The following PALM2AKAP2 variants were observed in gnomAD, a reference collection of about 807,000 sequenced individuals.
PALM2AKAP2 encodes the protein PALM2-AKAP2 fusion protein.
In PALM2AKAP2, 37 loss-of-function variants were observed where a neutral mutation model predicts 71.5. The observed-to-expected ratio is 0.52, with a 90% CI of 0.40 to 0.68. PALM2AKAP2 has a LOEUF of 0.68. PALM2AKAP2 is among the 30% of genes least tolerant of loss of function. PALM2AKAP2 has a pLI of 0.00. For synonymous variants in PALM2AKAP2, 468 were observed against 478.8 expected (o/e 0.98, Z 0.29); for missense variants, 1,224 against 1,191.8 (o/e 1.03, Z -0.40).
chr9:109,749,167 CT>C (rs1828848590), intron 1 of PALM2AKAP2, among the ~76,000 whole-genome samples: 1 of 152,252 alleles, frequency 6.6e-6, no homozygotes, highest in Non-Finnish European at 1.5e-5. Flanking sequence ...GTATTTCTGT[CT>C]TTAGTCCCTT....
chr9:110,050,238 C>G (rs1272619146), intron 1 of PALM2AKAP2, among the ~76,000 whole-genome samples: 1 of 152,202 alleles, frequency 6.6e-6, no homozygotes, highest in African/African-American at 2.4e-5. Context: ...TCCCGGGAAG[C>G]GCTCTTCTAT....
At chr9:109,809,761 TA>T (rs1294375107) in intron 1 of PALM2AKAP2, among the ~76,000 whole-genome samples, 1 of 152,226 alleles carries the variant, frequency 6.6e-6, no homozygotes, top group African/African-American at 2.4e-5. Flanking sequence ...GTAGTTCCCA[TA>T]ATCCCTGTGT....
intron 1 of PALM2AKAP2, among the ~76,000 whole-genome samples, chr9:109,745,105 C>T (rs1026026835): frequency 6.6e-6 from 1 of 152,160 alleles, no homozygotes; most frequent in African/African-American, 2.4e-5. Context: ...ATTTTCAGAG[C>T]CCAGCGATTT....
At chr9:109,860,225 G>A (rs1258422386) in intron 1 of PALM2AKAP2, among the ~76,000 whole-genome samples, 1 of 152,092 alleles carries the variant, frequency 6.6e-6, no homozygotes, top group African/African-American at 2.4e-5. Flanking sequence ...GATTACTCAG[G>A]TTTTCAGTTT....
chr9:109,680,416 CT>C (rs1431362153), intron 1 of PALM2AKAP2, among the ~76,000 whole-genome samples: 1 of 152,186 alleles, frequency 6.6e-6, no homozygotes, highest in Admixed American at 6.5e-5. Flanking sequence ...TCAGCTCTGT[CT>C]TTGGACATTA....
intron 3 of PALM2AKAP2, among the ~76,000 whole-genome samples, chr9:109,894,524 G>A (rs577298573): frequency 3.8e-4 from 58 of 152,306 alleles, no homozygotes; most frequent in African/African-American, 1.4e-3. Context: ...GAAATTGCCA[G>A]TAAGGTGTTT....
At chr9:109,711,307 G>A (rs1564121499) in intron 1 of PALM2AKAP2, among the ~76,000 whole-genome samples, 1 of 152,144 alleles carries the variant, frequency 6.6e-6, no homozygotes, top group Non-Finnish European at 1.5e-5. Context: ...ATAAACAGGA[G>A]AGTTTGTTGA....
intron 1 of PALM2AKAP2, among the ~76,000 whole-genome samples, chr9:109,762,621 A>G (rs1829073161): frequency 6.6e-6 from 1 of 152,220 alleles, no homozygotes; most frequent in East Asian, 1.9e-4. Flanking sequence ...GTGCTTTGTC[A>G]TTGCAACCCA....
At chr9:109,718,649 C>A (rs746577522) in intron 1 of PALM2AKAP2, among the ~76,000 whole-genome samples, 26 of 151,684 alleles carry the variant, frequency 1.7e-4, no homozygotes, top group Non-Finnish European at 2.6e-4. Flanking sequence ...CTCATATGCC[C>A]CTTGCCTAGT....
intron 7 of PALM2AKAP2, among the ~76,000 whole-genome samples, chr9:110,023,813 A>G (rs1309058900): frequency 1.3e-5 from 2 of 151,954 alleles, no homozygotes; most frequent in African/African-American, 4.8e-5. Flanking sequence ...GCAACATGAC[A>G]AAACCCAGTC....
At chr9:109,748,755 A>G (rs371991615) in intron 1 of PALM2AKAP2, among the ~76,000 whole-genome samples, 3 of 152,050 alleles carry the variant, frequency 2.0e-5, no homozygotes, top group African/African-American at 7.2e-5. Context: ...AACAACAGAA[A>G]CTTTTTTGCT....
chr9:110,118,945 A>G (rs1415568385), intron 1 of PALM2AKAP2, among the ~76,000 whole-genome samples: 1 of 152,242 alleles, frequency 6.6e-6, no homozygotes, highest in Non-Finnish European at 1.5e-5. Context: ...GCTCTTTATA[A>G]AATGTTCCAT....
intron 3 of PALM2AKAP2, among the ~76,000 whole-genome samples, chr9:109,887,370 C>T (rs1298693937): frequency 1.3e-5 from 2 of 152,228 alleles, no homozygotes; most frequent in East Asian, 1.9e-4. Flanking sequence ...AGTGGCATTC[C>T]ACATCTGTGC....
intron 6 of PALM2AKAP2, among the ~76,000 whole-genome samples, chr9:109,984,816 G>C (rs1304716850): frequency 2.6e-5 from 4 of 151,686 alleles, no homozygotes; most frequent in Non-Finnish European, 5.9e-5. Context: ...GGTTTACAAA[G>C]CACTATGATC....
At chr9:109,681,075 G>C (rs1006896543) in intron 1 of PALM2AKAP2, among the ~76,000 whole-genome samples, 1 of 152,190 alleles carries the variant, frequency 6.6e-6, no homozygotes, top group African/African-American at 2.4e-5. Context: ...CATTAAATGT[G>C]TTCCAGTTTA....
chr9:109,830,209 A>G (rs1828260534), intron 1 of PALM2AKAP2, among the ~76,000 whole-genome samples: 1 of 152,208 alleles, frequency 6.6e-6, no homozygotes, highest in South Asian at 2.1e-4. Flanking sequence ...CTTTATGAAC[A>G]TTTTAAGGGA....
rs143860714 is a variant in PALM2AKAP2, at chr9:109,688,216, T to C, written c.5+47350T>C. Reference sequence around the variant, plus strand: ...TGGAAGAATGGTGCTGATAGATTTATTCATCACAGGGTTGCTGCAAACTTT... The same window carrying C: ...TGGAAGAATGGTGCTGATAGATTTACTCATCACAGGGTTGCTGCAAACTTT... On this transcript the variant is annotated intron_variant, in intron 1 of 6. Coordinates refer to the PALM2AKAP2 transcript ENST00000374531. 1.2e-3 allele frequency among the ~76,000 whole-genome samples: 179 copies of C among 152,350 alleles called. 1 individual carries two copies. Among genetic ancestry groups the C allele is most frequent in the African/African-American group, 4.0e-3 (168 of 41,584 alleles).
intron 1 of PALM2AKAP2, among the ~76,000 whole-genome samples, chr9:109,785,369 T>C (rs1262055298): frequency 6.6e-6 from 1 of 152,056 alleles, no homozygotes; most frequent in Non-Finnish European, 1.5e-5. Context: ...CTTATACGCT[T>C]TACAGGTGAG....
At chr9:109,941,797 G>A (rs570065385) in intron 6 of PALM2AKAP2, among the ~76,000 whole-genome samples, 9 of 152,300 alleles carry the variant, frequency 5.9e-5, no homozygotes, top group African/African-American at 1.9e-4. Context: ...AAGGATACAA[G>A]ACTGAGAGAC....
Sources: gnomAD v4.1 joint callset for allele counts (sites outside exome capture counted in the v4.1 genomes callset) on GRCh38, gnomAD v4.1.1 for gene constraint, MANE v1.5 for transcripts, NCBI Gene and HGNC (gene_info 2026-07-23, HGNC 2026-07-21) for gene names.